The following RANBP2 variants were observed in gnomAD, a reference collection of about 807,000 sequenced individuals.
RANBP2 encodes E3 SUMO-protein ligase RanBP2.
RANBP2 carries 57 observed loss-of-function variants against 303.6 expected under a neutral mutation model. That is an observed-to-expected ratio of 0.19 (90% CI 0.15 to 0.23). The LOEUF is 0.23. Ranked by LOEUF, RANBP2 falls within the 10% of genes least tolerant of loss-of-function variation. The pLI, the probability that RANBP2 is intolerant of heterozygous loss-of-function variation, is 1.00. For synonymous variants in RANBP2, 1,167 were observed against 1,301.5 expected (o/e 0.90, Z 2.23); for missense variants, 3,138 against 3,780.8 (o/e 0.83, Z 4.46).
the RANBP2 span, among the ~76,000 whole-genome samples, chr2:109,149,794 A>C: frequency 2.0e-5 from 3 of 152,354 alleles, no homozygotes; most frequent in East Asian, 5.8e-4. Context: ...TACAGTGGAG[A>C]TGCTTTGTAG....
the RANBP2 span, among the ~76,000 whole-genome samples, chr2:108,807,357 C>A: frequency 1.2e-4 from 19 of 152,266 alleles, no homozygotes; most frequent in East Asian, 3.5e-3. Context: ...AATTTAAGAA[C>A]TCCATTGAAT....
chr2:109,462,139 T>C, the RANBP2 span, among the ~76,000 whole-genome samples: 1 of 150,240 alleles, frequency 6.7e-6, no homozygotes, highest in African/African-American at 2.5e-5. Context: ...TGCTTCTTGC[T>C]CACTAGGTCC....
chr2:108,828,180 AT>A, the RANBP2 span, among the ~76,000 whole-genome samples: 10 of 152,330 alleles, frequency 6.6e-5, no homozygotes, highest in East Asian at 1.7e-3. Flanking sequence ...GTAGATAAAT[AT>A]TTGGAGGTTA....
At chr2:109,119,266 C>G in the RANBP2 span, among the ~76,000 whole-genome samples, 2 of 152,188 alleles carry the variant, frequency 1.3e-5, no homozygotes, top group Non-Finnish European at 2.9e-5. Flanking sequence ...CATTCACAAT[C>G]CATATCTCTC....
chr2:109,015,105 C>T, the RANBP2 span, among the ~76,000 whole-genome samples: 5 of 112,330 alleles, frequency 4.5e-5, no homozygotes, highest in Non-Finnish European at 8.3e-5. Flanking sequence ...GGCGACAGAG[C>T]GAGACTCCAT....
the RANBP2 span, among the ~76,000 whole-genome samples, chr2:109,733,999 C>T: frequency 1.3e-5 from 2 of 151,628 alleles, no homozygotes; most frequent in African/African-American, 2.4e-5. Context: ...GCCAATATGG[C>T]GAAAACCCGT....
At chr2:108,927,828 C>T in the RANBP2 span, among the ~76,000 whole-genome samples, 3 of 152,168 alleles carry the variant, frequency 2.0e-5, no homozygotes, top group African/African-American at 7.2e-5. Flanking sequence ...CCCTCTTGCT[C>T]CTGTCTTCTG....
chr2:109,349,366 C>A, the RANBP2 span, among the ~76,000 whole-genome samples: 1 of 152,230 alleles, frequency 6.6e-6, no homozygotes, highest in African/African-American at 2.4e-5. Context: ...CGATTGTCAT[C>A]TGGCTGCACA....
At chr2:109,303,242 A>G in the RANBP2 span, among the ~76,000 whole-genome samples, 87 of 152,328 alleles carry the variant, frequency 5.7e-4, no homozygotes, top group African/African-American at 2.0e-3. Context: ...TGGCCCCAAC[A>G]GGATCTGAGG....
chr2:109,329,112 A>G, the RANBP2 span, among the ~76,000 whole-genome samples: 8 of 151,606 alleles, frequency 5.3e-5, no homozygotes, highest in African/African-American at 1.5e-4. Context: ...TTACTCTTTC[A>G]TCTCCAAATG....
chr2:109,066,537 G>A, the RANBP2 span, among the ~76,000 whole-genome samples: 19,855 of 152,156 alleles, frequency 0.13, 1,404 homozygotes, highest in Non-Finnish European at 0.16. Context: ...CTAAACTCAA[G>A]TAGGAGTGAG....
the RANBP2 span, among the ~76,000 whole-genome samples, chr2:109,273,284 G>A: frequency 4.8e-3 from 736 of 152,320 alleles, 11 homozygotes; most frequent in African/African-American, 0.017. Flanking sequence ...ATGTATCTGT[G>A]GGGCACTCAG....
At chr2:108,913,666 G>C in the RANBP2 span, among the ~76,000 whole-genome samples, 1 of 152,120 alleles carries the variant, frequency 6.6e-6, no homozygotes, top group African/African-American at 2.4e-5. Context: ...AAGTGTATGC[G>C]ATAGCTATCT....
chr2:109,525,559 C>G, the RANBP2 span, among the ~76,000 whole-genome samples: 2 of 152,176 alleles, frequency 1.3e-5, no homozygotes, highest in Non-Finnish European at 2.9e-5. Flanking sequence ...GGGCTGGTGA[C>G]GTGAACCCCA....
At chr2:109,085,361 T>C in the RANBP2 span, among the ~76,000 whole-genome samples, 1 of 152,214 alleles carries the variant, frequency 6.6e-6, no homozygotes. Context: ...TGGAGTGCAG[T>C]GGCGCAATCT....
chr2:109,684,632 C>A, the RANBP2 span, among the ~76,000 whole-genome samples: 1 of 149,570 alleles, frequency 6.7e-6, no homozygotes, highest in African/African-American at 2.5e-5. Context: ...CTCCCGGGTT[C>A]CAGTGATTCT....
At chr2:109,644,433 G>A in the RANBP2 span, among the ~76,000 whole-genome samples, 9 of 152,148 alleles carry the variant, frequency 5.9e-5, no homozygotes, top group African/African-American at 1.2e-4. Flanking sequence ...TGCCTCGGGC[G>A]GTTCCAATGG....
the RANBP2 span, among the ~76,000 whole-genome samples, chr2:109,310,435 GA>G: frequency 4.7e-5 from 1 of 21,350 alleles, no homozygotes; most frequent in Non-Finnish European, 6.7e-5. Flanking sequence ...AAAAGAACTA[GA>G]AAAGCAAGAG....
At chr2:109,735,132 C>T in the RANBP2 span, among the ~76,000 whole-genome samples, 2 of 152,082 alleles carry the variant, frequency 1.3e-5, no homozygotes, top group Non-Finnish European at 2.9e-5. Flanking sequence ...AATTTTTTGT[C>T]CATTAACTAA....
Sources: gnomAD v4.1 joint callset for allele counts (sites outside exome capture counted in the v4.1 genomes callset) on GRCh38, gnomAD v4.1.1 for gene constraint, MANE v1.5 for transcripts, NCBI Gene and HGNC (gene_info 2026-07-23, HGNC 2026-07-21) for gene names.